TMEM178B: variants seen among roughly 807,000 people sequenced by gnomAD.
TMEM178B encodes the protein transmembrane protein 178B.
Under a neutral mutation model 31.0 loss-of-function variants are expected in TMEM178B, and 5 were observed. The ratio of observed to expected loss-of-function variants is 0.16; its 90% CI spans 0.08 to 0.34. The LOEUF (loss-of-function observed/expected upper bound fraction) is 0.34. TMEM178B is among the 10% of genes least tolerant of loss of function. The pLI is 1.00. For synonymous variants in TMEM178B, 164 were observed against 164.0 expected (o/e 1.00, Z 0.00); for missense variants, 275 against 400.3 (o/e 0.69, Z 2.67).
At chr7:141,285,210 G>T (rs1391164851) in intron 2 of TMEM178B, among the ~76,000 whole-genome samples, 1 of 131,590 alleles carries the variant, frequency 7.6e-6, no homozygotes, top group East Asian at 2.3e-4. Context: ...GAGTGCAGTG[G>T]CATGATCTCG....
At chr7:141,154,185 G>A (rs1479558032) in intron 1 of TMEM178B, among the ~76,000 whole-genome samples, 1 of 152,196 alleles carries the variant, frequency 6.6e-6, no homozygotes, top group Non-Finnish European at 1.5e-5. Context: ...TTCCATAGGT[G>A]GAAAAGATAA....
intron 2 of TMEM178B, among the ~76,000 whole-genome samples, chr7:141,408,856 A>G (rs1800931961): frequency 6.6e-6 from 1 of 152,140 alleles, no homozygotes; most frequent in Non-Finnish European, 1.5e-5. Context: ...GTTTATTCCT[A>G]AGAAACAGCT....
intron 2 of TMEM178B, among the ~76,000 whole-genome samples, chr7:141,282,638 A>G (rs1206181290): frequency 2.6e-5 from 4 of 152,310 alleles, no homozygotes; most frequent in East Asian, 3.9e-4. Flanking sequence ...TACAACACCA[A>G]TTTAAGCCTT....
intron 1 of TMEM178B, among the ~76,000 whole-genome samples, chr7:141,116,676 C>T (rs1162661621): frequency 6.6e-6 from 1 of 152,064 alleles, no homozygotes; most frequent in Non-Finnish European, 1.5e-5. Context: ...AGACCCCCAT[C>T]CCCTGACAGG....
chr7:141,481,784 G>T (rs1267173417), downstream of TMEM178B, among the ~76,000 whole-genome samples: 1 of 152,120 alleles, frequency 6.6e-6, no homozygotes, highest in African/African-American at 2.4e-5. Flanking sequence ...CCTTAGAAGA[G>T]AGAAAGAATG....
chr7:141,207,084 A>T (rs1206743084), intron 1 of TMEM178B, among the ~76,000 whole-genome samples: 1 of 152,172 alleles, frequency 6.6e-6, no homozygotes, highest in Non-Finnish European at 1.5e-5. Flanking sequence ...GTCTAGGTTA[A>T]TCTATGGTTG....
At chr7:141,278,152 G>C (rs1798296728) in intron 2 of TMEM178B, among the ~76,000 whole-genome samples, 1 of 152,228 alleles carries the variant, frequency 6.6e-6, no homozygotes, top group African/African-American at 2.4e-5. Flanking sequence ...GTGGGAAATA[G>C]CTTCCAGAAA....
At position 141,422,104 on chromosome 7, in the gene TMEM178B, A is replaced by G. The variant is rs999815269; in HGVS notation, c.497-15504A>G. Among the ~76,000 whole-genome samples the G allele has an allele frequency of 6.6e-6, 1 of 152,080 alleles. No homozygotes were observed. Among genetic ancestry groups the G allele is most frequent in the Non-Finnish European group, 1.5e-5 (1 of 68,018 alleles). ...CTGCAATACGGAAAGAGATCTGTTC[A>G]GCTTCTTTATTTTTACGATTCTACC... On this transcript the variant is annotated intron_variant, in intron 2 of 3. Coordinates refer to ENST00000565468, the MANE Select transcript of TMEM178B (RefSeq NM_001195278.2). The surrounding 1 kb of genome is among the most constrained non-coding windows in gnomAD (Gnocchi z 4.2).
downstream of TMEM178B, among the ~76,000 whole-genome samples, chr7:141,480,676 CTT>C (rs1283991939): frequency 6.6e-6 from 1 of 152,182 alleles, no homozygotes; most frequent in African/African-American, 2.4e-5. Flanking sequence ...ATTAATAACT[CTT>C]TTTAAAAGAC....
chr7:141,091,632 G>A (rs1242309030), intron 1 of TMEM178B, among the ~76,000 whole-genome samples: 2 of 152,198 alleles, frequency 1.3e-5, no homozygotes, highest in Admixed American at 1.3e-4. Context: ...AGGTAGTGAA[G>A]TGCATTTAGG....
At chr7:141,096,014 C>G (rs1271471708) in intron 1 of TMEM178B, among the ~76,000 whole-genome samples, 1 of 152,212 alleles carries the variant, frequency 6.6e-6, no homozygotes, top group Non-Finnish European at 1.5e-5. Flanking sequence ...CAACCATATC[C>G]TACAAGGCCA....
At chr7:141,428,180 A>T (rs1563179931) in intron 2 of TMEM178B, among the ~76,000 whole-genome samples, 1 of 152,016 alleles carries the variant, frequency 6.6e-6, no homozygotes, top group Non-Finnish European at 1.5e-5. Flanking sequence ...CCTGACCAAC[A>T]TGGAGAAACC....
chr7:141,386,879 G>T (rs529208058), intron 2 of TMEM178B, among the ~76,000 whole-genome samples: 1 of 152,200 alleles, frequency 6.6e-6, no homozygotes, highest in African/African-American at 2.4e-5. Context: ...CGGGGTTTGG[G>T]GGTTCTCTTT....
At chr7:141,138,340 C>T (rs1795710642) in intron 1 of TMEM178B, among the ~76,000 whole-genome samples, 1 of 152,086 alleles carries the variant, frequency 6.6e-6, no homozygotes, top group African/African-American at 2.4e-5. Flanking sequence ...GGATTACAGG[C>T]ATGAGCCACT....
chr7:141,496,171 A>T, the TMEM178B span, among the ~76,000 whole-genome samples: 1 of 152,172 alleles, frequency 6.6e-6, no homozygotes, highest in Admixed American at 6.5e-5. Context: ...CCCCAGTGTC[A>T]GTCACTGGAG....
chr7:141,238,808 G>C (rs1405598535), intron 2 of TMEM178B, among the ~76,000 whole-genome samples: 1 of 152,220 alleles, frequency 6.6e-6, no homozygotes, highest in Non-Finnish European at 1.5e-5. Context: ...GCTGGGTTCT[G>C]TGTGGTTAGG....
chr7:141,190,677 G>C (rs1349409339), intron 1 of TMEM178B, among the ~76,000 whole-genome samples: 2 of 152,084 alleles, frequency 1.3e-5, no homozygotes, highest in Admixed American at 1.3e-4. Context: ...CTTGACATAT[G>C]GTTTCTACTG....
At chr7:141,204,227 T>A (rs1299920341) in intron 1 of TMEM178B, among the ~76,000 whole-genome samples, 2 of 152,036 alleles carry the variant, frequency 1.3e-5, no homozygotes, top group South Asian at 2.1e-4. Context: ...GAAGGTGAGG[T>A]TGAGCCAGTG....
At chr7:141,340,923 T>TA (rs1799506051) in intron 2 of TMEM178B, among the ~76,000 whole-genome samples, 1 of 152,168 alleles carries the variant, frequency 6.6e-6, no homozygotes, top group African/African-American at 2.4e-5. Context: ...TGTATCTGTT[T>TA]GGTTTCAGCT....
Sources: gnomAD v4.1 joint callset for allele counts (sites outside exome capture counted in the v4.1 genomes callset) on GRCh38, gnomAD v4.1.1 for gene constraint, Gnocchi (gnomAD v3.1) non-coding constraint, MANE v1.5 for transcripts, NCBI Gene and HGNC (gene_info 2026-07-23, HGNC 2026-07-21) for gene names.